Variants in ARID4A observed in about 807,000 individuals in gnomAD.
ARID4A encodes the protein AT-rich interactive domain-containing protein 4A.
A neutral mutation model predicts 148.6 loss-of-function variants in ARID4A; 39 were observed. That is an observed-to-expected ratio of 0.26 (90% CI 0.20 to 0.34). The LOEUF (loss-of-function observed/expected upper bound fraction) is 0.34, where lower values mean the gene tolerates loss of function less well. Ranked by LOEUF, ARID4A falls within the 10% of genes least tolerant of loss-of-function variation. The pLI is 1.00. For missense variants in ARID4A, 1,265 were observed against 1,449.1 expected (o/e 0.87, Z 2.06); for synonymous variants, 475 against 481.2 (o/e 0.99, Z 0.17).
At chr14:58,302,969 AT>A (rs1321096617) in intron 3 of ARID4A, among the ~76,000 whole-genome samples, 39 of 151,094 alleles carry the variant, frequency 2.6e-4, no homozygotes, top group East Asian at 1.6e-3. Flanking sequence ...CAAAAAAAAA[AT>A]TTTTTTTTAA....
At chr14:58,327,730 G>C (rs746489997) in intron 8 of ARID4A, among the ~76,000 whole-genome samples, 1 of 152,018 alleles carries the variant, frequency 6.6e-6, no homozygotes, top group Non-Finnish European at 1.5e-5. Flanking sequence ...GGAGTGCAGT[G>C]TTGTGAATTT....
At chr14:58,322,395 C>T (rs1294412953) in intron 7 of ARID4A, among the ~76,000 whole-genome samples, 2 of 152,088 alleles carry the variant, frequency 1.3e-5, no homozygotes, top group East Asian at 1.9e-4. Context: ...CTCCTTCATA[C>T]TTATTTTATA....
chr14:58,354,453 C>A lies in ARID4A; in HGVS notation c.1853+598C>A, dbSNP rs559745065. On this transcript the variant is annotated intron_variant, in intron 17 of 23. Coordinates refer to ENST00000355431, the MANE Select transcript of ARID4A (RefSeq NM_002892.4). ...ATCCCAGCACTTTGGGAGGTGGAGG[C>A]GGAAGGACTGCTTGAGGCCAGGAGT... Among the ~76,000 whole-genome samples the A allele has an allele frequency of 2.0e-5, 3 of 152,076 alleles. No homozygotes were observed. The East Asian group carries it at 5.8e-4, about 29-fold the overall frequency.
chr14:58,316,180 A>G (rs535415788), intron 5 of ARID4A, among the ~76,000 whole-genome samples: 30 of 152,338 alleles, frequency 2.0e-4, no homozygotes, highest in African/African-American at 6.5e-4. Context: ...TAAGATATCA[A>G]ATGAATGTAA....
At position 58,323,625 on chromosome 14, in the gene ARID4A, A is replaced by C; in HGVS notation, c.582+8A>C. On this transcript the variant is annotated splice_region_variant and intron_variant, in intron 8 of 23. Coordinates refer to ENST00000355431, the MANE Select transcript of ARID4A (RefSeq NM_002892.4). Reference sequence around the variant, plus strand: ...GAATGGTATCCTGCTTTGGTAAGTAAAGTTTCTTTGCAGAGTTAATCAGCC... The same window carrying C: ...GAATGGTATCCTGCTTTGGTAAGTACAGTTTCTTTGCAGAGTTAATCAGCC... 1.2e-6 allele frequency: 2 copies of C among 1,609,992 alleles called. No homozygotes were observed. Among genetic ancestry groups the C allele is most frequent in the East Asian group, 2.2e-5 (1 of 44,830 alleles).
At chr14:58,349,825 G>C (rs1241160241) in intron 15 of ARID4A, among the ~76,000 whole-genome samples, 1 of 151,952 alleles carries the variant, frequency 6.6e-6, no homozygotes, top group Non-Finnish European at 1.5e-5. Flanking sequence ...AAAAGCACCT[G>C]CTAGGCCGGG....
intron 16 of ARID4A, chr14:58,351,677 G>A (rs1334503660): frequency 1.6e-5 from 3 of 183,536 alleles, no homozygotes; most frequent in Admixed American, 5.8e-5. Context: ...TTTAAAAAAG[G>A]TACAATGTGG....
At chr14:58,305,538 A>G (rs117059513) in intron 4 of ARID4A, among the ~76,000 whole-genome samples, 32 of 152,304 alleles carry the variant, frequency 2.1e-4, no homozygotes, top group Admixed American at 9.8e-4. Flanking sequence ...AAGAAGGTCA[A>G]CTGGTCCATC....
At chr14:58,335,442 T>C (rs2033764222) in intron 11 of ARID4A, among the ~76,000 whole-genome samples, 1 of 151,636 alleles carries the variant, frequency 6.6e-6, no homozygotes, top group African/African-American at 2.4e-5. Context: ...GCCTCCCAAG[T>C]AACTGAGATT....
intron 5 of ARID4A, among the ~76,000 whole-genome samples, chr14:58,316,614 CTT>C (rs942769530): frequency 3.3e-5 from 5 of 152,012 alleles, no homozygotes; most frequent in Non-Finnish European, 5.9e-5. Context: ...AAGTTTTGCT[CTT>C]GTTGTCCAGG....
chr14:58,367,346 G>A (rs1414215299), intron 23 of ARID4A, among the ~76,000 whole-genome samples: 1 of 152,190 alleles, frequency 6.6e-6, no homozygotes, highest in Non-Finnish European at 1.5e-5. Context: ...CACTGTATTT[G>A]TTATGGGGTT....
At position 58,371,958 on chromosome 14, in the gene ARID4A, C is replaced by G; in HGVS notation, c.3743C>G (p.Pro1248Arg). 3 of 1,611,536 alleles carry G rather than the reference C, an allele frequency of 1.9e-6. No homozygotes were observed. Among genetic ancestry groups the G allele is most frequent in the Non-Finnish European group, 1.7e-6 (2 of 1,177,692 alleles). Residue 1248 changes from proline to arginine, a missense_variant, in exon 24 of 24, where the codon CCA becomes CGA. Around this residue, in one of 9 missense-constraint regions of ARID4A, gnomAD observed 666 missense variants for 730.9 expected, o/e 0.91. Coordinates refer to ENST00000355431, the MANE Select transcript of ARID4A (RefSeq NM_002892.4). ...ATGAGTCCCTCATCATCATCTCCCC[C>G]ACAAAATGTACTTGCTGTAGAATGC... ...TGMSPSSSSPPQNVLAVECR is the reference protein window; with the variant it reads ...TGMSPSSSSPRQNVLAVECR
chr14:58,341,390 T>A (rs925706031), intron 11 of ARID4A, among the ~76,000 whole-genome samples: 1 of 152,260 alleles, frequency 6.6e-6, no homozygotes, highest in African/African-American at 2.4e-5. Context: ...GCCCATTTGC[T>A]GTAGCTCCAG....
chr14:58,347,108 C>A lies in ARID4A; in HGVS notation c.1163C>A (p.Ala388Asp). 6.5e-7 allele frequency: 1 copy of A among 1,547,944 alleles called. No individual in the cohort carries two copies. The highest frequency in any genetic ancestry group is 8.8e-7 in the Non-Finnish European group (1 of 1,139,586). ...GCTGCTTCCTACAATGTAAAAACTG[C>A]TTATAGAAAGTAAGTAGTATAGTTT... The part of the protein sequence containing the change: ...NSAASYNVKT[A>D]YRKYLYGFEE... Residue 388 changes from alanine (A) to aspartate (D), a missense_variant, in exon 14 of 24, where the codon GCT becomes GAT. Around this residue, in one of 9 missense-constraint regions of ARID4A, gnomAD observed 7 missense variants for 24.1 expected, o/e 0.29. Transcript: ENST00000355431.
intron 18 of ARID4A, among the ~76,000 whole-genome samples, chr14:58,359,918 T>G (rs917720456): frequency 9.9e-5 from 15 of 152,008 alleles, no homozygotes; most frequent in African/African-American, 3.6e-4. Flanking sequence ...TAGAAAAAAT[T>G]AGCCGGTCGT....
chr14:58,310,577 A>G (rs1007176391), intron 5 of ARID4A, among the ~76,000 whole-genome samples: 1 of 152,198 alleles, frequency 6.6e-6, no homozygotes, highest in African/African-American at 2.4e-5. Context: ...ATGCAGAAGA[A>G]TGGAAGTAGA....
chr14:58,336,819 A>G (rs2033839819), intron 11 of ARID4A, among the ~76,000 whole-genome samples: 2 of 152,172 alleles, frequency 1.3e-5, no homozygotes, highest in Non-Finnish European at 2.9e-5. Context: ...CTGAGAAAAG[A>G]GAGATTATGA....
intron 7 of ARID4A, among the ~76,000 whole-genome samples, chr14:58,319,211 C>T (rs2032680540): frequency 6.9e-6 from 1 of 144,912 alleles, no homozygotes; most frequent in Non-Finnish European, 1.5e-5. Flanking sequence ...AGGCATGTGC[C>T]ACCACACCCA....
chr14:58,365,492 A>G (rs1353720924), intron 20 of ARID4A, 26 bp from the exon 21 acceptor site: 2 of 898,152 alleles, frequency 2.2e-6, no homozygotes, highest in Admixed American at 3.7e-5. Context: ...TTTTTTTTCA[A>G]CATTCTCTCT....
Sources: allele counts gnomAD v4.1 joint callset (sites outside exome capture counted in the v4.1 genomes callset), GRCh38; gene constraint gnomAD v4.1.1; regional missense constraint gnomAD v4.1.1; transcripts MANE v1.5; gene names NCBI Gene and HGNC (gene_info 2026-07-23, HGNC 2026-07-21).